The following UNC5B variants were observed in gnomAD, a reference collection of about 807,000 sequenced individuals.
The protein encoded by UNC5B is netrin receptor UNC5B.
A neutral mutation model predicts 103.7 loss-of-function variants in UNC5B; 56 were observed. That is an observed-to-expected ratio of 0.54 (90% CI 0.44 to 0.67). The LOEUF is 0.67. UNC5B is among the 30% of genes least tolerant of loss of function. The pLI is 0.00. For synonymous variants in UNC5B, 577 were observed against 542.0 expected (o/e 1.06, Z -0.90); for missense variants, 1,194 against 1,284.5 (o/e 0.93, Z 1.08).
intron 8 of UNC5B, among the ~76,000 whole-genome samples, chr10:71,290,478 T>C (rs1845218287): frequency 6.6e-6 from 1 of 152,130 alleles, no homozygotes; most frequent in Non-Finnish European, 1.5e-5. Context: ...CTTACAAAGA[T>C]AACAGAGCCA....
chr10:71,255,948 A>G (rs1339671175), intron 1 of UNC5B, among the ~76,000 whole-genome samples: 1 of 152,192 alleles, frequency 6.6e-6, no homozygotes, highest in Non-Finnish European at 1.5e-5. Flanking sequence ...TGGGGAGGAA[A>G]TCGACTATGT....
intron 1 of UNC5B, among the ~76,000 whole-genome samples, chr10:71,259,932 G>A (rs573182190): frequency 3.7e-4 from 57 of 152,354 alleles, no homozygotes; most frequent in African/African-American, 1.3e-3. Flanking sequence ...CATCGTGGCT[G>A]TGGGAACACT....
chr10:71,286,521 A>T (rs576902553), intron 4 of UNC5B, among the ~76,000 whole-genome samples, 168 bp from the exon 5 acceptor site: 1 of 152,272 alleles, frequency 6.6e-6, no homozygotes, highest in South Asian at 2.1e-4. Flanking sequence ...CCCAGCTGGC[A>T]AATGGTGCTC....
chr10:71,226,987 T>C lies in UNC5B; in HGVS notation c.79+13923T>C, dbSNP rs545700907. ...ATGGAGTTGGAGACCATTCTTCTTT[T>C]TTTTTTTTTTTCCTTGAAACGGAGT... On this transcript the variant is annotated intron_variant, in intron 1 of 16. Transcript: ENST00000335350. Among the ~76,000 whole-genome samples the C allele has an allele frequency of 1.4e-3, 218 of 151,640 alleles. 8 individuals are homozygous for C. In the South Asian group the frequency reaches 0.044, roughly 31 times the overall value.
rs764579933 is a variant in UNC5B at position 71,284,734 on chromosome 10, G to A, written c.319G>A (p.Glu107Lys). The part of the protein sequence containing the change: ...LDEATGLRVR[E>K]VQIEVSRQQV... ...TCTCCTCCCAGGCCTGCGGGTGCGC[G>A]AGGTGCAGATCGAGGTGTCGCGGCA... The change falls in exon 3 of 17, where the codon GAG becomes AAG. Residue 107 changes from glutamate to lysine, a missense_variant. Coordinates refer to ENST00000335350, the MANE Select transcript of UNC5B (RefSeq NM_170744.5). The A allele has an allele frequency of 4.4e-5, 71 of 1,613,692 alleles. 3 individuals are homozygous for A. The highest frequency in any genetic ancestry group is 4.1e-4 in the South Asian group (37 of 91,076).
intron 1 of UNC5B, among the ~76,000 whole-genome samples, chr10:71,257,426 C>CT (rs932286028): frequency 2.0e-5 from 3 of 152,238 alleles, no homozygotes; most frequent in African/African-American, 7.2e-5. Flanking sequence ...CTCTTGCCCC[C>CT]TTCCCCCTCC....
intron 16 of UNC5B, among the ~76,000 whole-genome samples, chr10:71,298,781 C>T (rs1197973523): frequency 6.6e-6 from 1 of 152,038 alleles, no homozygotes; most frequent in East Asian, 1.9e-4. Context: ...CTCTTGGGGC[C>T]AGTGTCTTTC....
chr10:71,219,717 C>T lies in UNC5B; in HGVS notation c.79+6653C>T, dbSNP rs180921798. Among the ~76,000 whole-genome samples the T allele has an allele frequency of 3.3e-3, 501 of 152,316 alleles. 4 individuals are homozygous for T. Among genetic ancestry groups the T allele is most frequent in the Non-Finnish European group, 2.3e-3 (156 of 68,028 alleles). ...CCTAAGCAGCCCTGGCCACAGCCCTCGAGGAGGTGCTGTCTGTAAGTGTTG... is the reference window on the plus strand; with the variant it reads ...CCTAAGCAGCCCTGGCCACAGCCCTTGAGGAGGTGCTGTCTGTAAGTGTTG... On this transcript the variant is annotated intron_variant, in intron 1 of 16. Transcript: ENST00000335350.
At chr10:71,294,807 A>G (rs1281323835) in intron 13 of UNC5B, among the ~76,000 whole-genome samples, 1 of 152,020 alleles carries the variant, frequency 6.6e-6, no homozygotes, top group East Asian at 1.9e-4. Context: ...CTAGAGCCTG[A>G]TGATGGCAGG....
At chr10:71,260,953 C>T (rs2132281117) in intron 1 of UNC5B, among the ~76,000 whole-genome samples, 1 of 152,342 alleles carries the variant, frequency 6.6e-6, no homozygotes, top group East Asian at 1.9e-4. Flanking sequence ...AGACTGCTCC[C>T]CCGCAGCCCT....
intron 1 of UNC5B, among the ~76,000 whole-genome samples, chr10:71,227,641 CATATACATATAT>C (rs1488915784): frequency 9.4e-5 from 13 of 137,682 alleles, no homozygotes; most frequent in African/African-American, 4.1e-4. Context: ...TATATATACA[CATATACATATAT>C]ATACATATAT....
At chr10:71,227,248 G>C (rs1456803660) in intron 1 of UNC5B, among the ~76,000 whole-genome samples, 1 of 152,152 alleles carries the variant, frequency 6.6e-6, no homozygotes, top group East Asian at 1.9e-4. Context: ...GCCTCTCAAA[G>C]TGCTGGGATT....
chr10:71,281,267 C>T (rs1844919358), intron 2 of UNC5B, among the ~76,000 whole-genome samples: 2 of 152,076 alleles, frequency 1.3e-5, no homozygotes, highest in Admixed American at 1.3e-4. Flanking sequence ...GTGTATTTTA[C>T]CACAATTTAA....
At chr10:71,262,523 C>T (rs545849284) in intron 1 of UNC5B, among the ~76,000 whole-genome samples, 6 of 152,084 alleles carry the variant, frequency 3.9e-5, no homozygotes, top group African/African-American at 7.2e-5. Flanking sequence ...GGAGCCCGCC[C>T]GGGAGACTCA....
intron 8 of UNC5B, among the ~76,000 whole-genome samples, chr10:71,289,283 A>G (rs1845184129): frequency 6.6e-6 from 1 of 152,254 alleles, no homozygotes; most frequent in Admixed American, 6.5e-5. Flanking sequence ...CACAGGCAAG[A>G]AATAGTAGAG....
intron 2 of UNC5B, among the ~76,000 whole-genome samples, chr10:71,282,946 C>A (rs934642248): frequency 6.8e-6 from 1 of 147,612 alleles, no homozygotes; most frequent in South Asian, 2.1e-4. Flanking sequence ...GAAACTGTGT[C>A]TCTACAAAAA....
intron 1 of UNC5B, among the ~76,000 whole-genome samples, chr10:71,227,590 T>C (rs1453035037): frequency 6.9e-6 from 1 of 145,042 alleles, no homozygotes; most frequent in Non-Finnish European, 1.5e-5. Flanking sequence ...TAAAAATAAA[T>C]TTTGTATACA....
chr10:71,248,498 T>C (rs1212147013), intron 1 of UNC5B, among the ~76,000 whole-genome samples: 2 of 152,250 alleles, frequency 1.3e-5, no homozygotes, highest in Non-Finnish European at 2.9e-5. Context: ...CTCCTATTCC[T>C]GACAGCCTGT....
At chr10:71,259,102 T>C (rs1281824487) in intron 1 of UNC5B, among the ~76,000 whole-genome samples, 1 of 152,122 alleles carries the variant, frequency 6.6e-6, no homozygotes, top group Admixed American at 6.5e-5. Context: ...AGAAAAGTAA[T>C]GACTGGGCCG....
Sources: allele counts gnomAD v4.1 joint callset (sites outside exome capture counted in the v4.1 genomes callset), GRCh38; gene constraint gnomAD v4.1.1; transcripts MANE v1.5; gene names NCBI Gene and HGNC (gene_info 2026-07-23, HGNC 2026-07-21).